The following CDH2 variants were observed in gnomAD, a reference collection of about 807,000 sequenced individuals.
CDH2 encodes the protein cadherin 2.
In CDH2, 17 loss-of-function variants were observed where a neutral mutation model predicts 92.0. That is an observed-to-expected ratio of 0.18 (90% CI 0.13 to 0.28). CDH2 has a LOEUF of 0.28. Ranked by LOEUF, CDH2 falls within the 10% of genes least tolerant of loss-of-function variation. CDH2 has a pLI of 1.00. For synonymous variants in CDH2, 419 were observed against 415.9 expected, an observed-to-expected ratio of 1.01 and a Z score of -0.09; for missense variants, 862 against 1,133.1, an observed-to-expected ratio of 0.76 and a Z score of 3.44.
intron 2 of CDH2, among the ~76,000 whole-genome samples, chr18:28,058,998 T>C (rs966531591): frequency 1.3e-5 from 2 of 152,176 alleles, no homozygotes; most frequent in Admixed American, 1.3e-4. Context: ...TATTTGATTT[T>C]AGTTGGTTTG....
intron 2 of CDH2, among the ~76,000 whole-genome samples, chr18:28,099,905 A>G (rs925420743): frequency 3.9e-5 from 6 of 152,198 alleles, no homozygotes; most frequent in African/African-American, 1.4e-4. Context: ...TATTTCAGAC[A>G]AACATCTGTG....
At chr18:27,960,574 A>G (rs967387913) in intron 15 of CDH2, among the ~76,000 whole-genome samples, 4 of 152,202 alleles carry the variant, frequency 2.6e-5, no homozygotes, top group Non-Finnish European at 5.9e-5. Context: ...TTTGCATTGC[A>G]CAAATATCGT....
chr18:27,974,537 C>T (rs1300676209), intron 14 of CDH2, among the ~76,000 whole-genome samples: 2 of 152,196 alleles, frequency 1.3e-5, no homozygotes, highest in African/African-American at 2.4e-5. Flanking sequence ...TAAAGTGACA[C>T]AGAATCCATC....
intron 2 of CDH2, among the ~76,000 whole-genome samples, chr18:28,017,485 T>G (rs932680468): frequency 1.8e-4 from 27 of 152,286 alleles, no homozygotes; most frequent in Admixed American, 1.8e-3. Context: ...TAATTGAGCT[T>G]ATTTGGATAT....
At position 28,128,273 on chromosome 18, in the gene CDH2, C is replaced by G. The variant is rs568745249; in HGVS notation, c.172+19400G>C. On this transcript the variant is annotated intron_variant, in intron 2 of 15. Coordinates refer to ENST00000269141, the MANE Select transcript of CDH2 (RefSeq NM_001792.5). ...GTTCAATTTGGCTAAGTCTCATAAT[C>G]TCATCACTTACATAAAGTCACAGAT... Among the ~76,000 whole-genome samples, 6 of 152,292 alleles carry G rather than the reference C, an allele frequency of 3.9e-5. No homozygotes were observed. The South Asian group carries it at 1.2e-3, about 32-fold the overall frequency.
intron 7 of CDH2, among the ~76,000 whole-genome samples, chr18:27,998,130 T>C (rs2012647205): frequency 6.6e-6 from 1 of 152,172 alleles, no homozygotes; most frequent in Admixed American, 6.5e-5. Context: ...TCTTAACTGC[T>C]AAGCCCCACT....
chr18:28,164,228 C>T (rs988891798), intron 1 of CDH2, among the ~76,000 whole-genome samples: 1 of 152,200 alleles, frequency 6.6e-6, no homozygotes, highest in Non-Finnish European at 1.5e-5. Flanking sequence ...GCCCTGACAT[C>T]AGGCTACTTG....
intron 7 of CDH2, among the ~76,000 whole-genome samples, chr18:28,001,710 G>T (rs994796804): frequency 6.6e-6 from 1 of 152,120 alleles, no homozygotes; most frequent in Non-Finnish European, 1.5e-5. Context: ...CAATGTCATA[G>T]GCATACACTA....
intron 2 of CDH2, among the ~76,000 whole-genome samples, chr18:28,083,193 T>A (rs1169161356): frequency 1.3e-5 from 2 of 152,130 alleles, no homozygotes; most frequent in Non-Finnish European, 2.9e-5. Flanking sequence ...AGAAACTCAT[T>A]TTCAGCACCA....
intron 2 of CDH2, among the ~76,000 whole-genome samples, chr18:28,026,012 T>C (rs1301798037): frequency 6.6e-6 from 1 of 152,170 alleles, no homozygotes; most frequent in Non-Finnish European, 1.5e-5. Context: ...GCATGGATTC[T>C]AGTGGCTATG....
At chr18:27,969,927 G>C (rs1415333211) in intron 14 of CDH2, among the ~76,000 whole-genome samples, 1 of 152,206 alleles carries the variant, frequency 6.6e-6, no homozygotes, top group Admixed American at 6.5e-5. Flanking sequence ...TAGAACCTGG[G>C]AGGCAGAGGT....
At chr18:27,958,658 A>C (rs2011318801) in intron 15 of CDH2, among the ~76,000 whole-genome samples, 1 of 152,056 alleles carries the variant, frequency 6.6e-6, no homozygotes, top group South Asian at 2.1e-4. Flanking sequence ...GCGTGTGTGC[A>C]CACACAATGA....
intron 6 of CDH2, among the ~76,000 whole-genome samples, chr18:27,935,515 A>G (rs1272111896): frequency 6.6e-6 from 1 of 152,124 alleles, no homozygotes; most frequent in Middle Eastern, 3.2e-3. Flanking sequence ...TTGACATGAG[A>G]TTTGGGTGGG....
At chr18:28,071,634 C>T (rs2014620122) in intron 2 of CDH2, among the ~76,000 whole-genome samples, 1 of 152,188 alleles carries the variant, frequency 6.6e-6, no homozygotes. Flanking sequence ...CACTGGCATT[C>T]TGACAAGTTG....
At chr18:28,054,934 T>C (rs939341165) in intron 2 of CDH2, among the ~76,000 whole-genome samples, 3 of 152,166 alleles carry the variant, frequency 2.0e-5, no homozygotes, top group Non-Finnish European at 4.4e-5. Flanking sequence ...GTAAGAAAAA[T>C]TTATATCTAT....
Position 27,985,543 on chromosome 18 carries a change from T to C in CDH2, c.1960A>G (p.Ile654Val). The change falls in exon 12 of 16, where the codon ATC (isoleucine) becomes GTC (valine). Residue 654 changes from isoleucine (I) to valine (V), a missense_variant. By Grantham distance (29) the Ile-to-Val change is conservative. This residue lies in a region of CDH2 where 564 missense variants were observed against 722.2 expected (regional missense o/e 0.78). Coordinates refer to ENST00000269141, the MANE Select transcript of CDH2 (RefSeq NM_001792.5). The stretch of plus-strand genomic sequence containing the variant: ...CTGTTCTTACCATTAAGCCGAGTGA[T>C]GGTCCAATTTCTCTTAATAGTCACT... ...SPVTIKRNWT[I>V]TRLNGDFAQL... 2 of 1,607,512 alleles carry C rather than the reference T, an allele frequency of 1.2e-6. No individual in the cohort carries two copies. Among genetic ancestry groups the C allele is most frequent in the Non-Finnish European group, 1.7e-6 (2 of 1,174,016 alleles).
intron 2 of CDH2, among the ~76,000 whole-genome samples, chr18:28,047,880 A>AT (rs2014112526): frequency 6.6e-6 from 1 of 151,428 alleles, no homozygotes; most frequent in African/African-American, 2.4e-5. Flanking sequence ...AAAAAAAAAA[A>AT]AAAAAAAAAA....
rs571895500 is a variant in CDH2, at chr18:28,160,477, A to G, written c.61-12693T>C. Reference sequence around the variant, plus strand: ...TAACACTGAGTTCAAGAACACTAGCAAGGGTCTCACTTGGGCAAGGTGGGG... The same window carrying G: ...TAACACTGAGTTCAAGAACACTAGCGAGGGTCTCACTTGGGCAAGGTGGGG... On this transcript the variant is annotated intron_variant, in intron 1 of 15. Transcript: ENST00000269141. 2.0e-5 allele frequency among the ~76,000 whole-genome samples: 3 copies of G among 152,318 alleles called. No individual in the cohort carries two copies. In the East Asian group the frequency reaches 5.8e-4, roughly 29 times the overall value.
At chr18:28,167,242 C>G (rs529855158) in intron 1 of CDH2, among the ~76,000 whole-genome samples, 57 of 152,174 alleles carry the variant, frequency 3.7e-4, no homozygotes, top group Admixed American at 1.8e-3. Context: ...TAACAGAATT[C>G]CAAATGTATT....
Sources: allele counts gnomAD v4.1 joint callset (sites outside exome capture counted in the v4.1 genomes callset), GRCh38; gene constraint gnomAD v4.1.1; regional missense constraint gnomAD v4.1.1; transcripts MANE v1.5; gene names NCBI Gene and HGNC (gene_info 2026-07-23, HGNC 2026-07-21).